Variants in PRKN observed in about 807,000 individuals in gnomAD.
PRKN encodes E3 ubiquitin-protein ligase parkin.
PRKN carries 56 observed loss-of-function variants against 59.5 expected under a neutral mutation model. The observed-to-expected ratio is 0.94, with a 90% CI of 0.76 to 1.18. The LOEUF is 1.18. PRKN is among the 50% of genes most tolerant of loss of function. The pLI, the probability that PRKN is intolerant of heterozygous loss-of-function variation, is 0.00. For missense variants in PRKN, 657 were observed against 596.4 expected (o/e 1.10, Z -1.06); for synonymous variants, 250 against 222.1 (o/e 1.13, Z -1.12).
rs1256145277 is a variant in PRKN at position 161,475,424 on chromosome 6, T to C, written c.1083+73430A>G. Among the ~76,000 whole-genome samples the C allele has an allele frequency of 6.6e-6, 1 of 152,248 alleles. No individual in the cohort carries two copies. The highest frequency in any genetic ancestry group is 1.5e-5 in the Non-Finnish European group (1 of 68,044). On this transcript the variant is annotated intron_variant, in intron 9 of 11. Coordinates refer to ENST00000366898, the MANE Select transcript of PRKN (RefSeq NM_004562.3). This position sits in a 1 kb window ranked among gnomAD's most constrained non-coding sequence, Gnocchi z 5.3. ...CCAGGTAAACTCAGCAAAAATGTTC[T>C]TTGCACTGGTATTTCTTTAAACAAT...
intron 2 of PRKN, among the ~76,000 whole-genome samples, chr6:162,340,399 T>C (rs4709598): frequency 0.025 from 3,816 of 152,302 alleles, 102 homozygotes; most frequent in Admixed American, 0.065. Context: ...ATAAAAAATA[T>C]ATAGTCAAAC....
intron 4 of PRKN, among the ~76,000 whole-genome samples, chr6:162,070,069 C>A (rs1778510229): frequency 6.6e-6 from 1 of 152,180 alleles, no homozygotes; most frequent in South Asian, 2.1e-4. Context: ...CAGTGAAAAT[C>A]TGTTAATGCT....
intron 7 of PRKN, among the ~76,000 whole-genome samples, chr6:161,689,185 T>TACACACACACACACAC (rs34193135): frequency 2.1e-5 from 3 of 144,188 alleles, no homozygotes; most frequent in Admixed American, 1.4e-4. Context: ...AATTAAATTG[T>TACACACACACACACAC]ACACACACAC....
intron 6 of PRKN, among the ~76,000 whole-genome samples, chr6:161,800,457 G>C (rs996478869): frequency 9.2e-5 from 14 of 152,210 alleles, no homozygotes; most frequent in African/African-American, 3.4e-4. Context: ...TTTGCTTAGA[G>C]CCCAGATTAA....
chr6:162,585,014 C>T (rs1310530347), intron 1 of PRKN, among the ~76,000 whole-genome samples: 1 of 150,486 alleles, frequency 6.6e-6, no homozygotes, highest in Non-Finnish European at 1.5e-5. Context: ...GATTCTCCTG[C>T]CTCAGCCTCC....
chr6:161,769,176 T>C (rs1427137054), intron 7 of PRKN, among the ~76,000 whole-genome samples: 6 of 152,224 alleles, frequency 3.9e-5, no homozygotes, highest in African/African-American at 1.2e-4. Context: ...TTTTCAACTA[T>C]ACAACTTCAA....
chr6:161,388,258 C>A lies in PRKN; in HGVS notation c.1084-1381G>T, dbSNP rs762848706. ...TAACAGCGATAGCTTTCTCATATGA[C>A]CCCTGGGAGAGGTAGTGAGATAGCA... On this transcript the variant is annotated intron_variant, in intron 9 of 11. Coordinates refer to ENST00000366898, the MANE Select transcript of PRKN (RefSeq NM_004562.3). The surrounding 1 kb of genome is among the most constrained non-coding windows in gnomAD (Gnocchi z 4.3). Among the ~76,000 whole-genome samples, 1 of 152,192 alleles carries A rather than the reference C, an allele frequency of 6.6e-6. No homozygotes were observed. The highest frequency in any genetic ancestry group is 2.1e-4 in the South Asian group (1 of 4,838).
chr6:161,791,668 C>G (rs185639288), intron 6 of PRKN, among the ~76,000 whole-genome samples: 2 of 152,304 alleles, frequency 1.3e-5, no homozygotes, highest in East Asian at 3.9e-4. Context: ...CAAATCTAAG[C>G]TCTCAAGGAC....
At chr6:161,957,532 CT>C (rs1262127125) in intron 6 of PRKN, among the ~76,000 whole-genome samples, 1 of 151,782 alleles carries the variant, frequency 6.6e-6, no homozygotes, top group Admixed American at 6.6e-5. Context: ...TCAAGCGATC[CT>C]CCTGCCTCAG....
chr6:162,644,190 AC>A (rs1778075068), intron 1 of PRKN, among the ~76,000 whole-genome samples: 1 of 151,966 alleles, frequency 6.6e-6, no homozygotes, highest in Non-Finnish European at 1.5e-5. Flanking sequence ...AGTTCCCAGG[AC>A]CCTGCCTGTG....
intron 1 of PRKN, among the ~76,000 whole-genome samples, chr6:162,685,234 T>G (rs758437644): frequency 2.0e-5 from 3 of 152,148 alleles, no homozygotes; most frequent in Non-Finnish European, 4.4e-5. Context: ...CTGCAATAAA[T>G]CAATGTACGT....
At chr6:162,354,431 C>T (rs1222954682) in intron 2 of PRKN, among the ~76,000 whole-genome samples, 1 of 152,012 alleles carries the variant, frequency 6.6e-6, no homozygotes, top group Admixed American at 6.6e-5. Context: ...GGAGATCAGA[C>T]CTTCTAACTC....
At chr6:161,644,323 C>T (rs1156422294) in intron 7 of PRKN, among the ~76,000 whole-genome samples, 2 of 152,144 alleles carry the variant, frequency 1.3e-5, no homozygotes, top group Non-Finnish European at 2.9e-5. Context: ...CTGGATCAGG[C>T]TAGGAAATGC....
At chr6:162,285,571 T>G (rs1193981309) in intron 2 of PRKN, among the ~76,000 whole-genome samples, 1 of 152,194 alleles carries the variant, frequency 6.6e-6, no homozygotes, top group South Asian at 2.1e-4. Context: ...GTTGAATGAA[T>G]GAATATCAGT....
At chr6:161,755,852 T>C (rs2128196322) in intron 7 of PRKN, among the ~76,000 whole-genome samples, 1 of 152,026 alleles carries the variant, frequency 6.6e-6, no homozygotes, top group South Asian at 2.1e-4. Flanking sequence ...AGCAGGTGAG[T>C]GGGAAACAGA....
At chr6:161,985,844 A>C (rs1439202442) in intron 5 of PRKN, among the ~76,000 whole-genome samples, 1 of 150,856 alleles carries the variant, frequency 6.6e-6, no homozygotes, top group Non-Finnish European at 1.5e-5. Flanking sequence ...TCCCCCCTTC[A>C]CTCTGGCCCC....
At chr6:161,453,460 T>C (rs1789833309) in intron 9 of PRKN, among the ~76,000 whole-genome samples, 1 of 152,226 alleles carries the variant, frequency 6.6e-6, no homozygotes, top group Admixed American at 6.5e-5. Context: ...GGTGAAGGTA[T>C]GTTGTAGATG....
In PRKN at chr6:161,632,323, C is replaced by A. The variant is rs953796391; in HGVS notation, c.872-62907G>T. Among the ~76,000 whole-genome samples the A allele has an allele frequency of 2.7e-4, 41 of 152,214 alleles. 2 individuals are homozygous for A. Among genetic ancestry groups the A allele is most frequent in the Admixed American group, 1.4e-3 (21 of 15,292 alleles). On this transcript the variant is annotated intron_variant, in intron 7 of 11. Coordinates refer to ENST00000366898, the MANE Select transcript of PRKN (RefSeq NM_004562.3). ...TCTAGGATTTACATGAGAAAAAAAA[C>A]CCCATAAATGGCAACCCAGGCAGAC...
intron 10 of PRKN, among the ~76,000 whole-genome samples, chr6:161,381,929 A>G (rs551557379): frequency 2.6e-5 from 4 of 152,000 alleles, no homozygotes; most frequent in South Asian, 4.2e-4. Context: ...TGGCTAACAC[A>G]GTGAAACCCC....
Sources: gnomAD v4.1 joint callset for allele counts (sites outside exome capture counted in the v4.1 genomes callset) on GRCh38, gnomAD v4.1.1 for gene constraint, Gnocchi (gnomAD v3.1) non-coding constraint, MANE v1.5 for transcripts, NCBI Gene and HGNC (gene_info 2026-07-23, HGNC 2026-07-21) for gene names.